The following PRKX variants were observed in gnomAD, a reference collection of about 807,000 sequenced individuals.
PRKX encodes cAMP-dependent protein kinase catalytic subunit PRKX.
A neutral mutation model predicts 22.0 loss-of-function variants in PRKX; 12 were observed. That is an observed-to-expected ratio of 0.54 (90% CI 0.35 to 0.88). PRKX has a LOEUF of 0.88. Among genes scored for constraint, PRKX ranks in the 40% least tolerant of loss-of-function variants. PRKX has a pLI of 0.01. For synonymous variants in PRKX, 134 were observed against 137.7 expected (o/e 0.97, Z 0.19); for missense variants, 217 against 308.0 (o/e 0.70, Z 2.21).
rs191727843 is a variant in PRKX at position 3,701,826 on chromosome X, T to C, written c.166+11262A>G. On this transcript the variant is annotated intron_variant, in intron 1 of 8. Transcript: ENST00000262848. ...CCTCTGGTTGTCCTCACTGCTACAC[T>C]CCCATCAGCGCCATGACAGTTTACA... 1.1e-3 allele frequency among the ~76,000 whole-genome samples: 128 copies of C among 111,499 alleles called. 1 individual carries two copies. The highest frequency in any genetic ancestry group is 3.9e-3 in the African/African-American group (119 of 30,684).
chrX:3,621,303 T>G lies in PRKX; in HGVS notation c.829A>C (p.Lys277Gln), dbSNP rs1926551207. The G allele has an allele frequency of 1.7e-6, 2 of 1,207,805 alleles. No homozygotes were observed. The highest frequency in any genetic ancestry group is 2.2e-6 in the Non-Finnish European group (2 of 893,256). ...LDFHVKDLIK[K>Q]LLVVDRTRRL... ...CTTGTTCTGTCAACCACGAGCAGTT[T>G]CTTAATGAGGTCTCTATGTTGGGGA... Residue 277 changes from lysine to glutamine, a missense_variant, in exon 6 of 9, where the codon AAA becomes CAA. Physicochemically the swap from Lys to Gln is moderately conservative, Grantham distance 53. Transcript: ENST00000262848.
In PRKX at chrX:3,667,068, A is replaced by AATGT. The variant is rs1927749463; in HGVS notation, c.335+7526_335+7529dup. Among the ~76,000 whole-genome samples the AATGT allele has an allele frequency of 2.7e-5, 3 of 111,375 alleles. No individual in the cohort carries two copies. In the Admixed American group the frequency reaches 2.9e-4, roughly 11 times the overall value. ...GGAAAGTCAACATGAAGAAAGAGTCAATGTCGTCAACAACGACTGAGACAA... is the reference window on the plus strand; with the variant it reads ...GGAAAGTCAACATGAAGAAAGAGTCAATGTATGTCGTCAACAACGACTGAGACAA... On this transcript the variant is annotated intron_variant, in intron 2 of 8. Transcript: ENST00000262848.
intron 4 of PRKX, among the ~76,000 whole-genome samples, chrX:3,635,137 C>T (rs749125412): frequency 9.0e-6 from 1 of 110,596 alleles, no homozygotes; most frequent in East Asian, 2.8e-4. Context: ...TCAGTCTCTA[C>T]TTTAATTTCA....
chrX:3,619,815 C>G (rs1926517602), intron 6 of PRKX, among the ~76,000 whole-genome samples: 1 of 111,040 alleles, frequency 9.0e-6, no homozygotes, highest in African/African-American at 3.3e-5. Flanking sequence ...ACAGAGGGCC[C>G]CAAGAGAGCC....
chrX:3,713,420 G>A lies in PRKX; in HGVS notation c.-167C>T. The A allele has an allele frequency of 2.7e-6, 1 of 364,295 alleles. No individual in the cohort carries two copies. The highest frequency in any genetic ancestry group is 4.2e-6 in the Non-Finnish European group (1 of 236,150). 30.0% of individuals were successfully genotyped at this position (364,295 alleles called of 1,213,427 possible). A position where few individuals can be genotyped will look rare whatever the true frequency, so the allele number is the denominator to read the frequency against. Reference sequence around the variant, plus strand: ...TCCGGCGCGGCTGACGGAGCGACGGGGACAATGGCTGGGCGGCGCTCACGG... The same window carrying A: ...TCCGGCGCGGCTGACGGAGCGACGGAGACAATGGCTGGGCGGCGCTCACGG... On this transcript the variant is annotated 5_prime_UTR_variant, in exon 1 of 9. Coordinates refer to ENST00000262848, the MANE Select transcript of PRKX (RefSeq NM_005044.5).
chrX:3,712,953 C>G, intron 1 of PRKX, 135 bp downstream of exon 1: 1 of 774,963 alleles, frequency 1.3e-6, no homozygotes, highest in Non-Finnish European at 1.7e-6. Context: ...TGCAGCCCCG[C>G]ACGGGGACTC....
At chrX:3,634,867 TATTTC>T (rs774039253) in intron 4 of PRKX, among the ~76,000 whole-genome samples, 1 of 110,629 alleles carries the variant, frequency 9.0e-6, no homozygotes, top group Non-Finnish European at 1.9e-5. Context: ...TTGGTTTATT[TATTTC>T]ATTTTATTTT....
chrX:3,661,349 G>A (rs1303712209), intron 2 of PRKX, among the ~76,000 whole-genome samples: 2 of 111,672 alleles, frequency 1.8e-5, no homozygotes, highest in African/African-American at 6.5e-5. Flanking sequence ...GCTCACACCT[G>A]TAATCCCAGC....
At chrX:3,664,253 A>G (rs1423009987) in intron 2 of PRKX, among the ~76,000 whole-genome samples, 1 of 111,400 alleles carries the variant, frequency 9.0e-6, no homozygotes, top group Non-Finnish European at 1.9e-5. Flanking sequence ...TTTTTTTCCT[A>G]GATAGGGTCT....
intron 1 of PRKX, among the ~76,000 whole-genome samples, chrX:3,700,363 A>G (rs1928534028): frequency 8.9e-6 from 1 of 112,221 alleles, no homozygotes; most frequent in Non-Finnish European, 1.9e-5. Context: ...TTTCTTTGCA[A>G]AGACTGATGA....
chrX:3,627,430 T>A (rs1376052802), intron 4 of PRKX, among the ~76,000 whole-genome samples: 1 of 91,814 alleles, frequency 1.1e-5, no homozygotes, highest in Non-Finnish European at 2.2e-5. Flanking sequence ...CACACAAAAA[T>A]AAGAAATGCT....
At chrX:3,616,417 G>A (rs9781994) in intron 6 of PRKX, among the ~76,000 whole-genome samples, 35,341 of 110,261 alleles carry the variant, frequency 0.32, 5,373 homozygotes, top group African/African-American at 0.59. Flanking sequence ...CGTTCAAGTC[G>A]GCCTGCTTCA....
rs141512015 is a variant in PRKX, at chrX:3,692,867, T to C, written c.167-18101A>G. Reference sequence around the variant, plus strand: ...TTTATTGCATTTAATGTTAGATGGCTTTAGAGTTCCTACCACTGAGACACA... The same window carrying C: ...TTTATTGCATTTAATGTTAGATGGCCTTAGAGTTCCTACCACTGAGACACA... On this transcript the variant is annotated intron_variant, in intron 1 of 8. Coordinates refer to ENST00000262848, the MANE Select transcript of PRKX (RefSeq NM_005044.5). 5.9e-3 allele frequency among the ~76,000 whole-genome samples: 658 copies of C among 111,634 alleles called. 5 individuals carry two copies. Among genetic ancestry groups the C allele is most frequent in the African/African-American group, 0.02 (609 of 30,745 alleles).
intron 3 of PRKX, among the ~76,000 whole-genome samples, chrX:3,642,799 G>C (rs1385638612): frequency 3.7e-5 from 4 of 108,557 alleles, no homozygotes; most frequent in African/African-American, 1.3e-4. Context: ...AGGAGTTCAA[G>C]ACCAGCCTGG....
intron 1 of PRKX, among the ~76,000 whole-genome samples, chrX:3,690,641 A>C (rs769097809): frequency 1.4e-4 from 16 of 111,285 alleles, no homozygotes; most frequent in Non-Finnish European, 3.0e-4. Context: ...CTGAGGCAGG[A>C]GGATCACTTG....
intron 5 of PRKX, among the ~76,000 whole-genome samples, chrX:3,621,698 C>T (rs186334654): frequency 8.9e-6 from 1 of 112,179 alleles, no homozygotes; most frequent in East Asian, 2.8e-4. Context: ...TCAACACTCA[C>T]GCGCTGTCCT....
At chrX:3,638,785 GTAGA>G (rs1004636579) in intron 4 of PRKX, among the ~76,000 whole-genome samples, 10 of 109,358 alleles carry the variant, frequency 9.1e-5, no homozygotes, top group African/African-American at 3.0e-4. Flanking sequence ...AGATGAATAG[GTAGA>G]TAGATGATTG....
At chrX:3,674,281 A>G (rs1203931646) in intron 2 of PRKX, among the ~76,000 whole-genome samples, 1 of 111,549 alleles carries the variant, frequency 9.0e-6, no homozygotes, top group Non-Finnish European at 1.9e-5. Context: ...GAACCCAAGG[A>G]GGTGAGGAGA....
chrX:3,642,930 G>A (rs1319177410), intron 3 of PRKX, among the ~76,000 whole-genome samples: 4 of 103,755 alleles, frequency 3.9e-5, no homozygotes, highest in Admixed American at 3.2e-4. Flanking sequence ...CCCAGGAGGC[G>A]GAGGTTGCAG....
Sources: allele counts gnomAD v4.1 joint callset (sites outside exome capture counted in the v4.1 genomes callset), GRCh38; gene constraint gnomAD v4.1.1; transcripts MANE v1.5; gene names NCBI Gene and HGNC (gene_info 2026-07-23, HGNC 2026-07-21).